The following CYP2E1 variants were observed in gnomAD, a reference collection of about 807,000 sequenced individuals.
The protein encoded by CYP2E1 is cytochrome P450 2E1.
Under a neutral mutation model 42.9 loss-of-function variants are expected in CYP2E1, and 31 were observed. The ratio of observed to expected loss-of-function variants is 0.72; its 90% CI spans 0.54 to 0.98. CYP2E1 has a LOEUF of 0.98. Among genes scored for constraint, CYP2E1 ranks in the 50% least tolerant of loss-of-function variants. The pLI, the probability that CYP2E1 is intolerant of heterozygous loss-of-function variation, is 0.00. For synonymous variants in CYP2E1, 244 were observed against 248.9 expected (o/e 0.98, Z 0.19); for missense variants, 565 against 633.2 (o/e 0.89, Z 1.16).
At position 133,531,245 on chromosome 10, in the gene CYP2E1, A is replaced by C. The variant is rs146947963; in HGVS notation, c.338-340A>C. 2.2e-3 allele frequency among the ~76,000 whole-genome samples: 334 copies of C among 152,312 alleles called. 2 individuals are homozygous for C. Among genetic ancestry groups the C allele is most frequent in the African/African-American group, 7.5e-3 (313 of 41,560 alleles). On this transcript the variant is annotated intron_variant, in intron 2 of 8. Transcript: ENST00000252945. ...GGTGGGAGGTGTTCTTGGAGTGGCCATATGTGGTTTTATGTAGCATGGGGA... is the reference window on the plus strand; with the variant it reads ...GGTGGGAGGTGTTCTTGGAGTGGCCCTATGTGGTTTTATGTAGCATGGGGA...
rs760756985 is a variant in CYP2E1 at position 133,532,297 on chromosome 10, T to G, written c.648+13T>G. 10 of 1,608,042 alleles carry G rather than the reference T, an allele frequency of 6.2e-6. No individual in the cohort carries two copies. The highest frequency in any genetic ancestry group is 1.7e-4 in the Middle Eastern group (1 of 6,042). On this transcript the variant is annotated intron_variant, in intron 4 of 8. Transcript: ENST00000252945. ...TCCCTGGCTCCAGGTGAAGCCACTTTCCTCTTTCATCAGTCATCAACTGTA... is the reference window on the plus strand; with the variant it reads ...TCCCTGGCTCCAGGTGAAGCCACTTGCCTCTTTCATCAGTCATCAACTGTA...
chr10:133,536,055 C>A (rs1412978856), intron 6 of CYP2E1, among the ~76,000 whole-genome samples: 1 of 152,162 alleles, frequency 6.6e-6, no homozygotes, highest in Non-Finnish European at 1.5e-5. Context: ...AAGAAGTAGA[C>A]CCTGCATGTC....
intron 8 of CYP2E1, 52 bp downstream of exon 8, chr10:133,537,944 C>T (rs368715788): frequency 1.9e-6 from 3 of 1,571,166 alleles, no homozygotes; most frequent in African/African-American, 2.7e-5. Context: ...CCACACTCCT[C>T]ATCTCCCCTC....
chr10:133,536,973 A>G (rs1354868087), intron 6 of CYP2E1, 90 bp from the exon 7 acceptor site: 1 of 1,239,050 alleles, frequency 8.1e-7, no homozygotes, highest in African/African-American at 1.5e-5. Context: ...GATGGATAAA[A>G]GCGTGATTGA....
rs1851367043 is a variant in CYP2E1, at chr10:133,533,790, A to G, written c.860A>G (p.Asp287Gly). Residue 287 changes from aspartate (D) to glycine (G), a missense_variant, in exon 6 of 9, where the codon GAC (aspartate) becomes GGC (glycine). By Grantham distance (94) the Asp-to-Gly change is moderately conservative. Coordinates refer to ENST00000252945, the MANE Select transcript of CYP2E1 (RefSeq NM_000773.4). ...KHSAERLYTM[D>G]GITVTVADLF... is the part of the protein sequence containing the mutation. Reference sequence around the variant, plus strand: ...AGTGCAGAGCGCTTGTACACAATGGACGGTATCACCGTGACTGTGGCCGAC... The same window carrying G: ...AGTGCAGAGCGCTTGTACACAATGGGCGGTATCACCGTGACTGTGGCCGAC... The G allele has an allele frequency of 6.2e-7, 1 of 1,613,992 alleles. No homozygotes were observed. Among genetic ancestry groups the G allele is most frequent in the Admixed American group, 1.7e-5 (1 of 59,994 alleles).
chr10:133,528,853 C>T (rs1589953522), intron 2 of CYP2E1, among the ~76,000 whole-genome samples: 2 of 152,238 alleles, frequency 1.3e-5, no homozygotes, highest in East Asian at 1.9e-4. Context: ...GGCCTCTCGG[C>T]GACTGTGCGG....
At chr10:133,537,931 AG>A in intron 8 of CYP2E1, 39 bp downstream of exon 8, 2 of 1,595,790 alleles carry the variant, frequency 1.3e-6, no homozygotes, top group Non-Finnish European at 1.7e-6. Flanking sequence ...CTTGAGGAGC[AG>A]CCCACACTCC....
chr10:133,537,195 A>C lies in CYP2E1; in HGVS notation c.1100A>C (p.Asn367Thr). Residue 367 changes from asparagine (N) to threonine (T), a missense_variant, in exon 7 of 9, where the codon AAC becomes ACC. Coordinates refer to ENST00000252945, the MANE Select transcript of CYP2E1 (RefSeq NM_000773.4). Reference protein sequence around the residue: ...IQRFITLVPSNLPHEATRDTI... With the variant: ...IQRFITLVPSTLPHEATRDTI... ...CGGTTCATCACCCTCGTGCCCTCCA[A>C]CCTGCCCCATGAAGCAACCCGAGAC... The C allele has an allele frequency of 1.2e-6, 2 of 1,614,048 alleles. No homozygotes were observed. Among genetic ancestry groups the C allele is most frequent in the Non-Finnish European group, 1.7e-6 (2 of 1,179,976 alleles).
chr10:133,533,498 C>T (rs1478127831), intron 5 of CYP2E1, among the ~76,000 whole-genome samples: 2 of 152,174 alleles, frequency 1.3e-5, no homozygotes, highest in South Asian at 2.1e-4. Flanking sequence ...TCAGGGGGAT[C>T]TCACCTCTCC....
chr10:133,533,736 G>C lies in CYP2E1; in HGVS notation c.826-20G>C. The C allele has an allele frequency of 3.1e-6, 5 of 1,612,796 alleles. No individual in the cohort carries two copies. The highest frequency in any genetic ancestry group is 4.2e-6 in the Non-Finnish European group (5 of 1,179,312). On this transcript the variant is annotated intron_variant, in intron 5 of 8. Coordinates refer to ENST00000252945, the MANE Select transcript of CYP2E1 (RefSeq NM_000773.4). ...GAGACAAGCAGCCCCTTCTCCTCCGGTCTGTCTCCGGTATCACAGGAAAAG... is the reference window on the plus strand; with the variant it reads ...GAGACAAGCAGCCCCTTCTCCTCCGCTCTGTCTCCGGTATCACAGGAAAAG...
intron 6 of CYP2E1, among the ~76,000 whole-genome samples, chr10:133,534,196 T>C (rs1319082853): frequency 6.6e-6 from 1 of 152,096 alleles, no homozygotes. Context: ...ATAAATAACC[T>C]CTTTATGACA....
rs1339182501 is a variant in CYP2E1 at position 133,528,640 on chromosome 10, G to A, written c.337G>A (p.Gly113Arg). ...CGCGTTCCATGCGCACAGGGACAGGGGTGAGTCCGCGTCCCTGGCACGGAG... is the reference window on the plus strand; with the variant it reads ...CGCGTTCCATGCGCACAGGGACAGGAGTGAGTCCGCGTCCCTGGCACGGAG... ...LPAFHAHRDR[G>R]IIFNNGPTWK... is the part of the protein sequence containing the mutation. The change falls in exon 2 of 9, where the codon GGA becomes AGA. Residue 113 changes from glycine (G) to arginine (R), a missense_variant and splice_region_variant. Transcript: ENST00000252945. 1 of 1,613,062 alleles carries A rather than the reference G, an allele frequency of 6.2e-7. No homozygotes were observed. Among genetic ancestry groups the A allele is most frequent in the Admixed American group, 1.7e-5 (1 of 60,036 alleles).
chr10:133,533,048 T>G (rs779287261), intron 5 of CYP2E1, among the ~76,000 whole-genome samples, 180 bp downstream of exon 5: 1 of 152,230 alleles, frequency 6.6e-6, no homozygotes. Context: ...CCTGCCTGGC[T>G]GCCAAGCTGG....
intron 6 of CYP2E1, among the ~76,000 whole-genome samples, chr10:133,536,733 ATGGAT>A (rs1851406865): frequency 1.6e-4 from 3 of 18,920 alleles, no homozygotes; most frequent in Non-Finnish European, 9.2e-4. Context: ...GGATGGTTGG[ATGGAT>A]GGGTGGGTGG....
In CYP2E1 at chr10:133,532,830, C is replaced by G; in HGVS notation, c.787C>G (p.Arg263Gly). The change falls in exon 5 of 9, where the codon CGG becomes GGG. Residue 263 changes from arginine (R) to glycine (G), a missense_variant. Arg to Gly is a moderately radical substitution (Grantham distance 125, BLOSUM62 -2). Transcript: ENST00000252945. ...HHQSLDPNCP[R>G]DLTDCLLVEM... is the part of the protein sequence containing the mutation. ...TCAATCTCTGGACCCCAACTGTCCCCGGGACCTCACCGACTGCCTGCTCGT... is the reference window on the plus strand; with the variant it reads ...TCAATCTCTGGACCCCAACTGTCCCGGGGACCTCACCGACTGCCTGCTCGT... 1 of 1,611,140 alleles carries G rather than the reference C, an allele frequency of 6.2e-7. No individual in the cohort carries two copies. The highest frequency in any genetic ancestry group is 1.1e-5 in the South Asian group (1 of 90,460).
Position 133,535,968 on chromosome 10 carries a change from C to T in CYP2E1, c.968-1095C>T, listed in dbSNP as rs189652887. ...AACATATGATGATGTTCCATGGGAA[C>T]TCCAAACACGGGGAGGCTAGGCGAC... On this transcript the variant is annotated intron_variant, in intron 6 of 8. Transcript: ENST00000252945. Among the ~76,000 whole-genome samples, 3 of 152,320 alleles carry T rather than the reference C, an allele frequency of 2.0e-5. No homozygotes were observed. The East Asian group carries it at 5.8e-4, about 29-fold the overall frequency.
chr10:133,529,643 T>G (rs1851313681), intron 2 of CYP2E1, among the ~76,000 whole-genome samples: 1 of 152,246 alleles, frequency 6.6e-6, no homozygotes, highest in African/African-American at 2.4e-5. Context: ...AAAAATTAAA[T>G]GAGCTGATAA....
intron 8 of CYP2E1, 98 bp from the exon 9 acceptor site, chr10:133,538,682 C>A: frequency 9.1e-7 from 1 of 1,102,618 alleles, no homozygotes. Flanking sequence ...GCCGTTTGCC[C>A]ACAGCCTCCT....
chr10:133,537,960 G>A, intron 8 of CYP2E1, 68 bp downstream of exon 8: 1 of 1,524,118 alleles, frequency 6.6e-7, no homozygotes, highest in South Asian at 1.3e-5. Context: ...CCCTCCACAT[G>A]TGCTCTGCCC....
Sources: allele counts gnomAD v4.1 joint callset (sites outside exome capture counted in the v4.1 genomes callset), GRCh38; gene constraint gnomAD v4.1.1; transcripts MANE v1.5; gene names NCBI Gene and HGNC (gene_info 2026-07-23, HGNC 2026-07-21).